EVL: variants seen among roughly 807,000 people sequenced by gnomAD.
EVL encodes Enah/Vasp-like, also known as ena/VASP-like protein.
In EVL, 21 loss-of-function variants were observed where a neutral mutation model predicts 59.6. That is an observed-to-expected ratio of 0.35 (90% CI 0.25 to 0.51). The LOEUF (loss-of-function observed/expected upper bound fraction) is 0.51. EVL is among the 20% of genes least tolerant of loss of function. The pLI is 0.97. For synonymous variants in EVL, 198 were observed against 203.5 expected, an observed-to-expected ratio of 0.97 and a Z score of 0.23; for missense variants, 462 against 546.6, an observed-to-expected ratio of 0.85 and a Z score of 1.54.
intron 1 of EVL, among the ~76,000 whole-genome samples, chr14:99,984,763 G>A (rs139782616): frequency 2.8e-3 from 428 of 152,094 alleles, no homozygotes; most frequent in South Asian, 8.5e-3. Flanking sequence ...ACAGGTGTGC[G>A]TCACCACACC....
intron 1 of EVL, among the ~76,000 whole-genome samples, chr14:100,056,038 C>G (rs1175893586): frequency 6.6e-6 from 1 of 152,088 alleles, no homozygotes; most frequent in African/African-American, 2.4e-5. Context: ...TCTCGAACTC[C>G]TGACCTCACG....
At chr14:100,024,887 TC>T (rs1456422478) in intron 1 of EVL, among the ~76,000 whole-genome samples, 2 of 151,992 alleles carry the variant, frequency 1.3e-5, no homozygotes, top group Non-Finnish European at 2.9e-5. Context: ...ACTCCTTCCT[TC>T]TAGTTGTTCA....
chr14:100,012,083 G>A (rs1290776774), intron 1 of EVL, among the ~76,000 whole-genome samples: 1 of 152,098 alleles, frequency 6.6e-6, no homozygotes, highest in Admixed American at 6.5e-5. Context: ...TCACTCTCCA[G>A]GTACATTCAG....
chr14:100,034,202 T>C (rs1475282584), intron 1 of EVL, among the ~76,000 whole-genome samples: 1 of 143,914 alleles, frequency 6.9e-6, no homozygotes, highest in Non-Finnish European at 1.5e-5. Context: ...GCCACTGCAC[T>C]CTAGCCTGGG....
intron 3 of EVL, among the ~76,000 whole-genome samples, chr14:100,118,073 A>C (rs1887463582): frequency 6.6e-6 from 1 of 152,210 alleles, no homozygotes; most frequent in African/African-American, 2.4e-5. Context: ...TCTGTTGGCC[A>C]CGCTCTTCCT....
intron 1 of EVL, among the ~76,000 whole-genome samples, chr14:99,989,431 A>C (rs1486929378): frequency 1.3e-5 from 2 of 152,158 alleles, no homozygotes; most frequent in African/African-American, 4.8e-5. Context: ...TAGTACTCAA[A>C]TCTGAGTTAA....
intron 1 of EVL, among the ~76,000 whole-genome samples, chr14:99,992,507 A>G: frequency 6.6e-6 from 1 of 152,222 alleles, no homozygotes; most frequent in South Asian, 2.1e-4. Flanking sequence ...CATCATTGTC[A>G]AATCAAATGT....
At chr14:100,125,564 T>C (rs969327152) in intron 4 of EVL, among the ~76,000 whole-genome samples, 15 of 152,032 alleles carry the variant, frequency 9.9e-5, no homozygotes, top group South Asian at 2.1e-4. Context: ...CGTAATTTTT[T>C]TTTTTTTTTG....
chr14:100,092,498 A>G (rs1258173313), intron 2 of EVL, among the ~76,000 whole-genome samples: 1 of 152,104 alleles, frequency 6.6e-6, no homozygotes, highest in Non-Finnish European at 1.5e-5. Flanking sequence ...ACTTTGGGAG[A>G]CCGAGGTGGG....
intron 11 of EVL, chr14:100,140,348 C>G (rs911468979): frequency 6.6e-6 from 1 of 152,028 alleles, no homozygotes; most frequent in Non-Finnish European, 1.5e-5. Flanking sequence ...CAGGGGCTCA[C>G]GCCCATAATC....
chr14:100,023,116 C>G (rs2061153675), intron 1 of EVL, among the ~76,000 whole-genome samples: 1 of 152,044 alleles, frequency 6.6e-6, no homozygotes, highest in African/African-American at 2.4e-5. Flanking sequence ...CTGCCATTGC[C>G]TACAAGACTA....
chr14:100,054,721 C>T (rs989008429), intron 1 of EVL, among the ~76,000 whole-genome samples: 2 of 152,182 alleles, frequency 1.3e-5, no homozygotes, highest in Non-Finnish European at 2.9e-5. Flanking sequence ...GCTCCTGTCC[C>T]CTTATTGACT....
chr14:100,105,492 T>C (rs1178085331), intron 3 of EVL, among the ~76,000 whole-genome samples: 1 of 151,666 alleles, frequency 6.6e-6, no homozygotes, highest in African/African-American at 2.4e-5. Context: ...CTGATTGTCC[T>C]CCACAGTCTT....
At chr14:100,049,892 A>T (rs1019718445) in intron 1 of EVL, among the ~76,000 whole-genome samples, 2 of 152,134 alleles carry the variant, frequency 1.3e-5, no homozygotes, top group African/African-American at 4.8e-5. Flanking sequence ...GTATACATGG[A>T]ATCAGACAAT....
chr14:100,004,072 C>A (rs1252547414), intron 1 of EVL, among the ~76,000 whole-genome samples: 1 of 152,136 alleles, frequency 6.6e-6, no homozygotes, highest in African/African-American at 2.4e-5. Context: ...CATGTGGTGA[C>A]GTGCGCCTGT....
intron 1 of EVL, chr14:100,019,504 G>T (rs1014129663): frequency 4.8e-5 from 28 of 587,626 alleles, no homozygotes; most frequent in Non-Finnish European, 8.1e-5. Flanking sequence ...GCTGGAGGCT[G>T]CAGGCCCCTG....
chr14:99,999,204 G>A (rs891396616), intron 1 of EVL, among the ~76,000 whole-genome samples: 2 of 151,958 alleles, frequency 1.3e-5, no homozygotes, highest in African/African-American at 4.8e-5. Context: ...TTAGTTTTTT[G>A]CTATTTGAAG....
At chr14:100,033,652 A>C (rs779456519) in intron 1 of EVL, among the ~76,000 whole-genome samples, 1 of 152,228 alleles carries the variant, frequency 6.6e-6, no homozygotes, top group African/African-American at 2.4e-5. Context: ...GAACTTGACT[A>C]TGATCAGTGT....
At chr14:100,045,842 C>G (rs540566752) in intron 1 of EVL, among the ~76,000 whole-genome samples, 3 of 152,256 alleles carry the variant, frequency 2.0e-5, no homozygotes, top group African/African-American at 7.2e-5. Context: ...TCAATGAATT[C>G]TTGGAATGCT....
Sources: allele counts gnomAD v4.1 joint callset (sites outside exome capture counted in the v4.1 genomes callset), GRCh38; gene constraint gnomAD v4.1.1; transcripts MANE v1.5; gene names NCBI Gene and HGNC (gene_info 2026-07-23, HGNC 2026-07-21).